RAPH1: variants seen among roughly 807,000 people sequenced by gnomAD.
RAPH1 encodes Ras association (RalGDS/AF-6) and pleckstrin homology domains 1.
In RAPH1, 18 loss-of-function variants were observed where a neutral mutation model predicts 88.1. That is an observed-to-expected ratio of 0.20 (90% CI 0.14 to 0.30). The LOEUF (loss-of-function observed/expected upper bound fraction) is 0.30. Among genes scored for constraint, RAPH1 ranks in the 10% least tolerant of loss-of-function variants. The probability of loss-of-function intolerance (pLI) is 1.00; values close to 1 mark genes in which losing one functional copy is unlikely to be tolerated. For missense variants in RAPH1, 1,448 were observed against 1,543.2 expected (o/e 0.94, Z 1.03); for synonymous variants, 587 against 559.0 (o/e 1.05, Z -0.71).
At chr2:203,524,437 A>T (rs1489619328) in intron 1 of RAPH1, among the ~76,000 whole-genome samples, 2 of 152,226 alleles carry the variant, frequency 1.3e-5, no homozygotes, top group Non-Finnish European at 2.9e-5. Context: ...TCCTCAAGAA[A>T]TGAAAACCTG....
At chr2:203,489,119 A>G (rs1688124667) in intron 4 of RAPH1, among the ~76,000 whole-genome samples, 1 of 148,940 alleles carries the variant, frequency 6.7e-6, no homozygotes, top group South Asian at 2.2e-4. Flanking sequence ...GTTGTACAAG[A>G]GTACAAACTC....
chr2:203,479,494 G>A (rs1376852361), intron 4 of RAPH1, among the ~76,000 whole-genome samples: 1 of 151,824 alleles, frequency 6.6e-6, no homozygotes, highest in African/African-American at 2.4e-5. Context: ...GTCCCACCCA[G>A]CTACTCCGGA....
At position 203,439,978 on chromosome 2, in the gene RAPH1, G is replaced by C; in HGVS notation, c.3212C>G (p.Ser1071Cys). 4 of 1,613,582 alleles carry C rather than the reference G, an allele frequency of 2.5e-6. No homozygotes were observed. Among genetic ancestry groups the C allele is most frequent in the Non-Finnish European group, 3.4e-6 (4 of 1,179,928 alleles). Residue 1071 changes from serine (S) to cysteine (C), a missense_variant, in exon 14 of 14, where the codon TCT (serine) becomes TGT (cysteine). By Grantham distance (112) the Ser-to-Cys change is moderately radical (BLOSUM62 -1). Transcript: ENST00000319170. ...TTCAGGTGGAGGGGGTGGAAAATCA[G>C]AATCGGATGGAGGAGAAGGAAATTC... Reference protein sequence around the residue: ...VVEFPSPPSDSDFPPPPPETE... With the variant: ...VVEFPSPPSDCDFPPPPPETE...
In RAPH1 at chr2:203,517,030, C is replaced by T. The variant is rs1369239873; in HGVS notation, c.-1+18081G>A. Among the ~76,000 whole-genome samples, 18 of 148,986 alleles carry T rather than the reference C, an allele frequency of 1.2e-4. No individual in the cohort carries two copies. In the South Asian group the frequency reaches 1.3e-3, roughly 11 times the overall value. ...GCCTGGGTGACAGAGTGAAAGACTC[C>T]GTCTCAAAAAAAAAAAATAAAGAAA... is the stretch of plus-strand genomic sequence containing the variant. On this transcript the variant is annotated intron_variant, in intron 1 of 13. Coordinates refer to ENST00000319170, the MANE Select transcript of RAPH1 (RefSeq NM_213589.3).
rs549778549 is a variant in RAPH1 at position 203,477,693 on chromosome 2, T to C, written c.732+11891A>G. On this transcript the variant is annotated intron_variant, in intron 4 of 13. Transcript: ENST00000319170. ...TTTTATCCTCCCCTCGAATTCTAGATGAATAATGTGTTTTGTTTCCCCTCC... is the reference window on the plus strand; with the variant it reads ...TTTTATCCTCCCCTCGAATTCTAGACGAATAATGTGTTTTGTTTCCCCTCC... 3.9e-5 allele frequency among the ~76,000 whole-genome samples: 6 copies of C among 152,322 alleles called. No homozygotes were observed. The South Asian group carries it at 1.2e-3, about 32-fold the overall frequency.
At chr2:203,470,226 G>A in intron 4 of RAPH1, 1 of 1,587,580 alleles carries the variant, frequency 6.3e-7, no homozygotes, top group South Asian at 1.1e-5. Context: ...CATGCATGTG[G>A]AAGAAGTATC....
intron 10 of RAPH1, among the ~76,000 whole-genome samples, chr2:203,452,123 A>G (rs1470128097): frequency 6.6e-6 from 1 of 152,142 alleles, no homozygotes; most frequent in African/African-American, 2.4e-5. Context: ...CTCACTGACA[A>G]CCTTGAGCCA....
At position 203,454,469 on chromosome 2, in the gene RAPH1, G is replaced by A; in HGVS notation, c.1374C>T (p.Asn458=). ...VNVYYGQDYR[N]KYKAPTDYCL... ...AATAGTCTGTAGGTGCTTTGTATTT[G>A]TTCCGATAGTCCTGGCCATAATAAA... Residue 458 remains asparagine (N), a synonymous_variant, in exon 10 of 14, where the codon AAC becomes AAT. Transcript: ENST00000319170. 6.2e-7 allele frequency: 1 copy of A among 1,613,566 alleles called. No homozygotes were observed. Among genetic ancestry groups the A allele is most frequent in the Non-Finnish European group, 8.5e-7 (1 of 1,179,782 alleles).
At position 203,433,691 on chromosome 2, in the gene RAPH1, T is replaced by C. The variant is rs1249727205; in HGVS notation, c.*5746A>G. 1.3e-5 allele frequency: 2 copies of C among 152,206 alleles called. No homozygotes were observed. The highest frequency in any genetic ancestry group is 4.8e-5 in the African/African-American group (2 of 41,442). The allele number at this position is 152,206 out of a possible 1,614,324, so 9.4% of individuals were successfully genotyped here. On this transcript the variant is annotated 3_prime_UTR_variant, in exon 14 of 14. Coordinates refer to ENST00000319170, the MANE Select transcript of RAPH1 (RefSeq NM_213589.3). ...CTTAAAAGTTAACAAATTGAACATA[T>C]CAAACTAGTTTATTTACCACACTTA...
In RAPH1 at chr2:203,440,896, G is replaced by T. The variant is rs764179644; in HGVS notation, c.2294C>A (p.Pro765Gln). Reference sequence around the variant, plus strand: ...GAGGGGTGCAGGGATAGGAGGAGGTGGGGGGGGTGTTGGGGGAGCCACCTG... The same window carrying T: ...GAGGGGTGCAGGGATAGGAGGAGGTTGGGGGGGTGTTGGGGGAGCCACCTG... ...ITQVAPPTPP[P>Q]PPPIPAPLPP... Residue 765 changes from proline (P) to glutamine (Q), a missense_variant, in exon 14 of 14, where the codon CCA becomes CAA. Physicochemically the swap from Pro to Gln is moderately conservative, Grantham distance 76 (BLOSUM62 -1). This residue lies in a region of RAPH1 where 935 missense variants were observed against 890.1 expected (regional missense o/e 1.05). Transcript: ENST00000319170. The T allele has an allele frequency of 2.8e-6, 4 of 1,440,244 alleles. No individual in the cohort carries two copies. Among genetic ancestry groups the T allele is most frequent in the South Asian group, 2.6e-5 (2 of 77,360 alleles). 89.2% of individuals were successfully genotyped at this position (1,440,244 alleles called of 1,614,324 possible). A position where few individuals can be genotyped will look rare whatever the true frequency, so the allele number is the denominator to read the frequency against.
chr2:203,505,441 A>ACC (rs5837857), intron 1 of RAPH1, among the ~76,000 whole-genome samples: 2,436 of 150,690 alleles, frequency 0.016, 46 homozygotes, highest in East Asian at 0.086. Context: ...TGATTAAATT[A>ACC]CCCCCCCCGG....
chr2:203,439,756 G>T lies in RAPH1; in HGVS notation c.3434C>A (p.Ala1145Asp). The change falls in exon 14 of 14, where the codon GCC becomes GAC. Residue 1145 changes from alanine to aspartate, a missense_variant. Physicochemically the swap from Ala to Asp is moderately radical, Grantham distance 126. Coordinates refer to ENST00000319170, the MANE Select transcript of RAPH1 (RefSeq NM_213589.3). Reference protein sequence around the residue: ...QAEISEQPTMATVVPQVPTSP... With the variant: ...QAEISEQPTMDTVVPQVPTSP... The stretch of plus-strand genomic sequence containing the variant: ...GGTGGGCACTTGTGGCACAACTGTG[G>T]CCATTGTTGGCTGCTCAGAAATCTC... The T allele has an allele frequency of 6.2e-7, 1 of 1,614,128 alleles. No homozygotes were observed. The highest frequency in any genetic ancestry group is 8.5e-7 in the Non-Finnish European group (1 of 1,180,018).
At position 203,440,415 on chromosome 2, in the gene RAPH1, C is replaced by T. The variant is rs150780827; in HGVS notation, c.2775G>A (p.Leu925=). Reference sequence around the variant, plus strand: ...GTGATGGGGGTGGAGGAGGAAACACCAGGCTGCTTTCAGGAGGGGGAGGAG... The same window carrying T: ...GTGATGGGGGTGGAGGAGGAAACACTAGGCTGCTTTCAGGAGGGGGAGGAG... ...DFPPPPPESS[L]VFPPPPPSPV... The change falls in exon 14 of 14, where the codon CTG becomes CTA. Residue 925 remains leucine (L), a synonymous_variant. Transcript: ENST00000319170. 729 of 1,555,568 alleles carry T rather than the reference C, an allele frequency of 4.7e-4. 3 individuals are homozygous for T. The highest frequency in any genetic ancestry group is 4.7e-3 in the South Asian group (380 of 81,492).
chr2:203,441,315 T>C lies in RAPH1; in HGVS notation c.1875A>G (p.Ser625=), dbSNP rs776015209. The C allele has an allele frequency of 1.3e-6, 2 of 1,516,124 alleles. No individual in the cohort carries two copies. The highest frequency in any genetic ancestry group is 1.5e-5 in the African/African-American group (1 of 65,598). The allele number at this position is 1,516,124 out of a possible 1,614,324, so 93.9% of individuals were successfully genotyped here. A position where few individuals can be genotyped will look rare whatever the true frequency, so the allele number is the denominator to read the frequency against. ...GGGGTGGCGGAGGAGGTAGAGGTGG[T>C]GAAGGCTGTGAAGCAGTGTAGGGGG... is the stretch of plus-strand genomic sequence containing the variant. ...IVTPYTASQP[S]PPLPPPPPPP... The change falls in exon 14 of 14, where the codon TCA becomes TCG. Residue 625 remains serine, a synonymous_variant. Coordinates refer to ENST00000319170, the MANE Select transcript of RAPH1 (RefSeq NM_213589.3).
chr2:203,523,800 A>C (rs1460209600), intron 1 of RAPH1, among the ~76,000 whole-genome samples: 1 of 152,106 alleles, frequency 6.6e-6, no homozygotes, highest in Non-Finnish European at 1.5e-5. Flanking sequence ...AGGTCAGGAG[A>C]CCGAGACCAT....
intron 4 of RAPH1, among the ~76,000 whole-genome samples, chr2:203,468,483 C>T (rs1002921765): frequency 2.6e-5 from 4 of 152,174 alleles, no homozygotes; most frequent in Non-Finnish European, 5.9e-5. Context: ...TCCTAGAACC[C>T]GCTGATCTCA....
intron 4 of RAPH1, among the ~76,000 whole-genome samples, chr2:203,463,752 A>T (rs1250840737): frequency 2.0e-5 from 3 of 152,168 alleles, no homozygotes; most frequent in Non-Finnish European, 1.5e-5. Context: ...CTATTTTTTT[A>T]AAAAATCCTT....
chr2:203,451,939 TTATAA>T (rs1320237124), intron 10 of RAPH1, among the ~76,000 whole-genome samples: 1 of 152,210 alleles, frequency 6.6e-6, no homozygotes, highest in Non-Finnish European at 1.5e-5. Context: ...TTCCTTCCTC[TTATAA>T]AAGACAAATA....
chr2:203,506,182 C>A (rs1688985849), intron 1 of RAPH1, among the ~76,000 whole-genome samples: 1 of 152,068 alleles, frequency 6.6e-6, no homozygotes, highest in African/African-American at 2.4e-5. Flanking sequence ...GCTTGGAAGT[C>A]ATTTGGATTA....
Sources: gnomAD v4.1 joint callset for allele counts (sites outside exome capture counted in the v4.1 genomes callset) on GRCh38, gnomAD v4.1.1 for gene constraint, gnomAD v4.1.1 regional missense constraint, MANE v1.5 for transcripts, NCBI Gene and HGNC (gene_info 2026-07-23, HGNC 2026-07-21) for gene names.